Variants in PRKAG2 observed in about 807,000 individuals in gnomAD.
PRKAG2 encodes the protein protein kinase AMP-activated non-catalytic subunit gamma 2.
Under a neutral mutation model 69.6 loss-of-function variants are expected in PRKAG2, and 26 were observed. That is an observed-to-expected ratio of 0.37 (90% CI 0.27 to 0.52). The LOEUF (loss-of-function observed/expected upper bound fraction) is 0.52, where lower values mean the gene tolerates loss of function less well. Among genes scored for constraint, PRKAG2 ranks in the 20% least tolerant of loss-of-function variants. The pLI is 0.90. For missense variants in PRKAG2, 557 were observed against 740.0 expected, an observed-to-expected ratio of 0.75 and a Z score of 2.87; for synonymous variants, 293 against 285.0, an observed-to-expected ratio of 1.03 and a Z score of -0.28.
In PRKAG2 at chr7:151,737,608, G is replaced by A. The variant is rs370630583; in HGVS notation, c.466+43544C>T. Among the ~76,000 whole-genome samples, 10 of 152,304 alleles carry A rather than the reference G, an allele frequency of 6.6e-5. No individual in the cohort carries two copies. In the East Asian group the frequency reaches 1.9e-3, roughly 29 times the overall value. ...AAAACAAGGGGATGGAGTGTGGGGT[G>A]GAAGCGCCCCAGCAGCTTGCCACTG... On this transcript the variant is annotated intron_variant, in intron 3 of 15. Coordinates refer to ENST00000287878, the MANE Select transcript of PRKAG2 (RefSeq NM_016203.4).
chr7:151,693,070 C>T (rs920862566), intron 3 of PRKAG2, among the ~76,000 whole-genome samples: 3 of 152,236 alleles, frequency 2.0e-5, no homozygotes, highest in Admixed American at 6.5e-5. Flanking sequence ...GGAGATCCCA[C>T]TCCTTCACCC....
At chr7:151,711,156 C>A (rs1285705594) in intron 3 of PRKAG2, among the ~76,000 whole-genome samples, 1 of 151,160 alleles carries the variant, frequency 6.6e-6, no homozygotes, top group African/African-American at 2.4e-5. Flanking sequence ...CAGTGCTAAG[C>A]TGAGAGTACT....
rs947082888 is a variant in PRKAG2, at chr7:151,803,893, G to A, written c.115-17352C>T. On this transcript the variant is annotated intron_variant, in intron 1 of 15. Transcript: ENST00000287878. ...GCAGAGGTTGCAGTGAGTTGAGATC[G>A]CGCCACTGCACTCCAGACTGGGCAG... 4.7e-4 allele frequency among the ~76,000 whole-genome samples: 68 copies of A among 144,702 alleles called. 2 individuals carry two copies. Among genetic ancestry groups the A allele is most frequent in the Middle Eastern group, 7.1e-3 (2 of 282 alleles). 94.9% of individuals were successfully genotyped at this position (144,702 alleles called of 152,430 possible). A position where few individuals can be genotyped will look rare whatever the true frequency, so the allele number is the denominator to read the frequency against.
chr7:151,689,122 T>A (rs1835231649), intron 3 of PRKAG2, among the ~76,000 whole-genome samples: 2 of 152,244 alleles, frequency 1.3e-5, no homozygotes, highest in African/African-American at 4.8e-5. Flanking sequence ...TAGTCGTTTT[T>A]AAAATCTGTA....
At chr7:151,599,562 G>A (rs548739629) in intron 5 of PRKAG2, among the ~76,000 whole-genome samples, 1 of 152,276 alleles carries the variant, frequency 6.6e-6, no homozygotes, top group Non-Finnish European at 1.5e-5. Context: ...TCCACTGGGG[G>A]TGGTAGTGGG....
chr7:151,702,049 T>G (rs1189902052), intron 3 of PRKAG2, among the ~76,000 whole-genome samples: 1 of 152,098 alleles, frequency 6.6e-6, no homozygotes. Flanking sequence ...ATGGTAGCCC[T>G]GGGTGCTAAT....
At chr7:151,855,459 C>T (rs2079735905) in intron 1 of PRKAG2, among the ~76,000 whole-genome samples, 1 of 74,224 alleles carries the variant, frequency 1.3e-5, no homozygotes, top group Non-Finnish European at 2.7e-5. Flanking sequence ...CACCATCCTC[C>T]ACACACACCA....
At chr7:151,776,206 A>T (rs2076338314) in intron 3 of PRKAG2, among the ~76,000 whole-genome samples, 1 of 152,108 alleles carries the variant, frequency 6.6e-6, no homozygotes, top group Non-Finnish European at 1.5e-5. Flanking sequence ...CTCTGTTCTG[A>T]ACTCCCCATC....
At chr7:151,826,945 G>GA (rs1001554868) in intron 1 of PRKAG2, among the ~76,000 whole-genome samples, 33 of 151,686 alleles carry the variant, frequency 2.2e-4, no homozygotes, top group Non-Finnish European at 3.2e-4. Flanking sequence ...GCTGTATTGA[G>GA]AAAAAAAAGG....
chr7:151,753,917 G>A (rs905432553), intron 3 of PRKAG2, among the ~76,000 whole-genome samples: 2 of 152,016 alleles, frequency 1.3e-5, no homozygotes, highest in African/African-American at 2.4e-5. Context: ...ACCTGTAGTC[G>A]CAGCTACTCA....
At chr7:151,791,637 G>C (rs2077277739) in intron 1 of PRKAG2, among the ~76,000 whole-genome samples, 1 of 152,214 alleles carries the variant, frequency 6.6e-6, no homozygotes. Flanking sequence ...TGAATTTTCA[G>C]GATTTGGACT....
intron 3 of PRKAG2, among the ~76,000 whole-genome samples, chr7:151,676,250 G>GGGGGAGGGGACGGGAGGGGAGGGGA (rs1832927677): frequency 6.7e-6 from 1 of 150,244 alleles, no homozygotes; most frequent in Non-Finnish European, 1.5e-5. Context: ...AGGAGGGGGA[G>GGGGGAGGGGACGGGAGGGGAGGGGA]GGGGAGGGGA....
chr7:151,655,674 A>G (rs1018019742), intron 4 of PRKAG2, among the ~76,000 whole-genome samples: 6 of 152,298 alleles, frequency 3.9e-5, no homozygotes, highest in African/African-American at 1.4e-4. Context: ...CAAATCAAGG[A>G]TGGGACTCAT....
intron 3 of PRKAG2, among the ~76,000 whole-genome samples, chr7:151,685,569 G>A (rs1834593492): frequency 6.6e-6 from 1 of 152,038 alleles, no homozygotes; most frequent in African/African-American, 2.4e-5. Context: ...AGGAGTTCAA[G>A]ATCAGCCTGG....
At chr7:151,666,910 TCCATGGTGCACTAC>T (rs1831129829) in intron 4 of PRKAG2, among the ~76,000 whole-genome samples, 1 of 152,214 alleles carries the variant, frequency 6.6e-6, no homozygotes, top group African/African-American at 2.4e-5. Context: ...CCATGTATTT[TCCATGGTGCACTAC>T]CCAGATCCCC....
chr7:151,687,347 G>A (rs187697298), intron 3 of PRKAG2, among the ~76,000 whole-genome samples: 8 of 152,346 alleles, frequency 5.3e-5, no homozygotes, highest in Admixed American at 3.9e-4. Context: ...GAGGCACAGG[G>A]GAGGCCCCTC....
intron 3 of PRKAG2, among the ~76,000 whole-genome samples, chr7:151,710,657 C>A (rs1027130688): frequency 1.3e-5 from 2 of 152,198 alleles, no homozygotes; most frequent in African/African-American, 4.8e-5. Context: ...AAGAGGGCAC[C>A]GCTCACACAC....
chr7:151,688,180 AG>A (rs1835067681), intron 3 of PRKAG2, among the ~76,000 whole-genome samples: 2 of 152,160 alleles, frequency 1.3e-5, no homozygotes, highest in African/African-American at 4.8e-5. Context: ...CCCAGTGAGC[AG>A]GGGAAAGGCT....
At chr7:151,730,682 G>A (rs1285110367) in intron 3 of PRKAG2, among the ~76,000 whole-genome samples, 1 of 152,114 alleles carries the variant, frequency 6.6e-6, no homozygotes, top group Admixed American at 6.5e-5. Flanking sequence ...GCTGGATGGG[G>A]GCGGGAGAGA....
Sources: gnomAD v4.1 joint callset for allele counts (sites outside exome capture counted in the v4.1 genomes callset) on GRCh38, gnomAD v4.1.1 for gene constraint, MANE v1.5 for transcripts, NCBI Gene and HGNC (gene_info 2026-07-23, HGNC 2026-07-21) for gene names.